Variants in DAPK2 observed in about 807,000 individuals in gnomAD.
DAPK2 encodes death associated protein kinase 2.
A neutral mutation model predicts 44.1 loss-of-function variants in DAPK2; 35 were observed. That is an observed-to-expected ratio of 0.79 (90% CI 0.61 to 1.05). The LOEUF (loss-of-function observed/expected upper bound fraction) is 1.05, where lower values mean the gene tolerates loss of function less well. Ranked by LOEUF, DAPK2 falls within the 50% of genes least tolerant of loss-of-function variation. DAPK2 has a pLI of 0.00. For missense variants in DAPK2, 453 were observed against 483.2 expected, an observed-to-expected ratio of 0.94 and a Z score of 0.59; for synonymous variants, 174 against 182.6, an observed-to-expected ratio of 0.95 and a Z score of 0.38.
chr15:63,939,080 A>G lies in DAPK2; in HGVS notation c.583+152T>C. 4 of 1,395,574 alleles carry G rather than the reference A, an allele frequency of 2.9e-6. No individual in the cohort carries two copies. The highest frequency in any genetic ancestry group is 3.8e-6 in the Non-Finnish European group (4 of 1,044,896). 86.4% of individuals were successfully genotyped at this position (1,395,574 alleles called of 1,614,324 possible). ...GGCCCTCATCCCCAGGCCCAATAAG[A>G]CATTTCCTTCCCCACCCATTAGGTT... On this transcript the variant is annotated intron_variant, in intron 4 of 10. Transcript: ENST00000261891. The surrounding 1 kb of genome is among the most constrained non-coding windows in gnomAD (Gnocchi z 4.3).
At chr15:63,983,459 T>C (rs1479224385) in intron 2 of DAPK2, 74 bp downstream of exon 3, 2 of 1,431,156 alleles carry the variant, frequency 1.4e-6, no homozygotes, top group African/African-American at 1.4e-5. Flanking sequence ...CCCTGGGGCC[T>C]GTGGCTGGAG....
intron 3 of DAPK2, among the ~76,000 whole-genome samples, chr15:63,959,268 G>A (rs139317255): frequency 9.2e-5 from 14 of 152,230 alleles, no homozygotes; most frequent in Non-Finnish European, 1.6e-4. Flanking sequence ...AGATGATGGG[G>A]TTTTCTAAAT....
chr15:63,985,274 T>C (rs1438285928), intron 1 of DAPK2, among the ~76,000 whole-genome samples: 1 of 152,240 alleles, frequency 6.6e-6, no homozygotes, highest in Non-Finnish European at 1.5e-5. Context: ...TTCCAAATAT[T>C]GGCTCTGAGC....
At chr15:63,985,678 C>A (rs533585421) in intron 1 of DAPK2, among the ~76,000 whole-genome samples, 1 of 152,326 alleles carries the variant, frequency 6.6e-6, no homozygotes, top group Non-Finnish European at 1.5e-5. Context: ...GGCTTGGCAT[C>A]CAAATCCCCC....
chr15:63,968,230 A>G (rs745928771), intron 3 of DAPK2, among the ~76,000 whole-genome samples: 9 of 152,190 alleles, frequency 5.9e-5, no homozygotes, highest in Non-Finnish European at 1.2e-4. Flanking sequence ...AATCCTTCTG[A>G]GTTCCAGCTA....
At chr15:63,979,995 A>C in intron 2 of DAPK2, among the ~76,000 whole-genome samples, 1 of 152,106 alleles carries the variant, frequency 6.6e-6, no homozygotes, top group East Asian at 1.9e-4. Flanking sequence ...CTGGCCATAC[A>C]TGGGTTAGGG....
intron 2 of DAPK2, among the ~76,000 whole-genome samples, chr15:63,982,248 T>G (rs1462463982): frequency 6.9e-6 from 1 of 145,584 alleles, no homozygotes; most frequent in East Asian, 2.0e-4. Flanking sequence ...TGGAGTGCAG[T>G]GATGCAATCT....
intron 2 of DAPK2, among the ~76,000 whole-genome samples, chr15:63,975,498 T>C (rs546847163): frequency 2.6e-5 from 4 of 152,278 alleles, no homozygotes; most frequent in East Asian, 1.9e-4. Context: ...GTTAAGCAAC[T>C]TGCCCACAGT....
At chr15:63,940,740 A>G (rs1382234320) in intron 3 of DAPK2, among the ~76,000 whole-genome samples, 1 of 152,122 alleles carries the variant, frequency 6.6e-6, no homozygotes, top group Non-Finnish European at 1.5e-5. Context: ...TAAATAAATA[A>G]AATGAAATAT....
upstream of DAPK2, among the ~76,000 whole-genome samples, chr15:64,043,296 C>G (rs1406765414): frequency 1.3e-5 from 2 of 152,128 alleles, no homozygotes; most frequent in Non-Finnish European, 2.9e-5. Context: ...CCCAAATGAT[C>G]CACGTTAGAA....
intron 1 of DAPK2, among the ~76,000 whole-genome samples, chr15:64,009,200 A>G (rs914149473): frequency 6.6e-6 from 1 of 152,160 alleles, no homozygotes; most frequent in Non-Finnish European, 1.5e-5. Flanking sequence ...GATACACAGT[A>G]GATCTGCAGT....
In DAPK2 at chr15:63,983,667, C is replaced by T. The variant is rs62639966; in HGVS notation, c.180G>A (p.Arg60=). 1.2e-4 allele frequency: 188 copies of T among 1,613,902 alleles called. 1 individual carries two copies. In the Middle Eastern group the frequency reaches 1.8e-3, roughly 16 times the overall value. Residue 60 remains arginine, a synonymous_variant, in exon 2 of 11, where the codon CGG becomes CGA. Coordinates refer to ENST00000261891, the Ensembl canonical transcript of DAPK2. The stretch of plus-strand genomic sequence containing the variant: ...CCCGGCTCACACCGCGCCGGCTCGC[C>T]CGGCTCTGCCGCTTCTTGATGAACT...
intron 1 of DAPK2, among the ~76,000 whole-genome samples, chr15:64,038,068 G>T (rs781738336): frequency 6.6e-5 from 10 of 152,122 alleles, no homozygotes; most frequent in Non-Finnish European, 1.3e-4. Context: ...ATGGAGTCAG[G>T]GAGAGACAAG....
chr15:63,968,405 G>T (rs2078115210), intron 3 of DAPK2, among the ~76,000 whole-genome samples: 1 of 152,154 alleles, frequency 6.6e-6, no homozygotes, highest in Non-Finnish European at 1.5e-5. Flanking sequence ...CTGTTTCCAG[G>T]TAATGGAAAA....
rs368480340 is a variant in DAPK2 at position 63,930,401 on chromosome 15, A to T, written c.632+6T>A. On this transcript the variant is annotated splice_donor_region_variant and intron_variant, in intron 5 of 10. Coordinates refer to ENST00000261891, the Ensembl canonical transcript of DAPK2. ...CTAGGTCACCTGAGTGGCCTATCCAACTTACCACATGTCAGCCTCCAGACC... is the reference window on the plus strand; with the variant it reads ...CTAGGTCACCTGAGTGGCCTATCCATCTTACCACATGTCAGCCTCCAGACC... The T allele has an allele frequency of 9.2e-5, 149 of 1,614,066 alleles. No homozygotes were observed. Among genetic ancestry groups the T allele is most frequent in the Non-Finnish European group, 1.2e-4 (142 of 1,180,022 alleles).
chr15:63,943,793 T>C (rs560174471), intron 3 of DAPK2, among the ~76,000 whole-genome samples: 1 of 152,280 alleles, frequency 6.6e-6, no homozygotes, highest in East Asian at 1.9e-4. Flanking sequence ...GGAGAATTGC[T>C]TGAACCCGGG....
chr15:63,950,982 G>C (rs182537236), intron 3 of DAPK2, among the ~76,000 whole-genome samples: 1 of 152,190 alleles, frequency 6.6e-6, no homozygotes, highest in South Asian at 2.1e-4. Flanking sequence ...TCAGGGCATA[G>C]AGGAATTTGG....
At chr15:63,950,724 C>G (rs1055202856) in intron 3 of DAPK2, among the ~76,000 whole-genome samples, 1 of 152,162 alleles carries the variant, frequency 6.6e-6, no homozygotes, top group African/African-American at 2.4e-5. Flanking sequence ...TGGCTAAGTT[C>G]AAGTCTCAGC....
At chr15:63,960,035 T>C (rs1485987794) in intron 3 of DAPK2, among the ~76,000 whole-genome samples, 1 of 152,240 alleles carries the variant, frequency 6.6e-6, no homozygotes, top group African/African-American at 2.4e-5. Flanking sequence ...TTTCAGAGCC[T>C]GTTATTGGTC....
Sources: allele counts gnomAD v4.1 joint callset (sites outside exome capture counted in the v4.1 genomes callset), GRCh38; gene constraint gnomAD v4.1.1; non-coding constraint Gnocchi (gnomAD v3.1); transcripts MANE v1.5; gene names NCBI Gene and HGNC (gene_info 2026-07-23, HGNC 2026-07-21).